Variants in WBP4 observed in about 807,000 individuals in gnomAD.
WBP4 encodes the protein WW domain-binding protein 4.
WBP4 carries 37 observed loss-of-function variants against 55.4 expected under a neutral mutation model. That is an observed-to-expected ratio of 0.67 (90% CI 0.51 to 0.88). WBP4 has a LOEUF of 0.88. Ranked by LOEUF, WBP4 falls within the 40% of genes least tolerant of loss-of-function variation. The pLI is 0.00. For synonymous variants in WBP4, 142 were observed against 140.2 expected (o/e 1.01, Z -0.09); for missense variants, 398 against 420.8 (o/e 0.95, Z 0.47).
At chr13:41,068,354 C>G (rs765820912) in intron 4 of WBP4, among the ~76,000 whole-genome samples, 3 of 152,084 alleles carry the variant, frequency 2.0e-5, no homozygotes, top group Non-Finnish European at 4.4e-5. Context: ...GTTTTAACAC[C>G]TGGTAGAACT....
intron 5 of WBP4, 24 bp from the exon 6 acceptor site, chr13:41,071,503 A>G (rs550061165): frequency 5.1e-6 from 8 of 1,580,020 alleles, no homozygotes; most frequent in African/African-American, 4.1e-5. Flanking sequence ...AAGATTTTAT[A>G]AATGCAATAT....
rs573903170 is a variant in WBP4 at position 41,068,581 on chromosome 13, A to G, written c.283A>G (p.Thr95Ala). 2 of 1,604,522 alleles carry G rather than the reference A, an allele frequency of 1.2e-6. No homozygotes were observed. The highest frequency in any genetic ancestry group is 1.7e-5 in the Admixed American group (1 of 57,884). The stretch of plus-strand genomic sequence containing the variant: ...TTTAGAAATTTTGGAGCCAAGCATA[A>G]CACCAGTAACCAGCACTATCCCACC... ...LESEILEPSI[T>A]PVTSTIPPTS... The change falls in exon 5 of 10, where the codon ACA becomes GCA. Residue 95 changes from threonine to alanine, a missense_variant. Thr to Ala is a moderately conservative substitution (Grantham distance 58). Transcript: ENST00000379487.
At chr13:41,075,037 T>C (rs1878417112) in intron 7 of WBP4, among the ~76,000 whole-genome samples, 2 of 152,146 alleles carry the variant, frequency 1.3e-5, no homozygotes, top group South Asian at 4.1e-4. Context: ...GGAAAAGTAA[T>C]GTTTTTTCAT....
intron 5 of WBP4, 134 bp downstream of exon 5, chr13:41,068,871 A>G: frequency 1.0e-6 from 1 of 980,934 alleles, no homozygotes; most frequent in Non-Finnish European, 1.4e-6. Flanking sequence ...TTTTTGCCCC[A>G]AAGGTAAGAA....
Position 41,061,664 on chromosome 13 carries a change from T to C in WBP4, c.-10T>C. The C allele has an allele frequency of 6.2e-7, 1 of 1,614,126 alleles. No individual in the cohort carries two copies. Among genetic ancestry groups the C allele is most frequent in the Non-Finnish European group, 8.5e-7 (1 of 1,180,008 alleles). On this transcript the variant is annotated 5_prime_UTR_variant, in exon 1 of 10. Transcript: ENST00000379487. ...AACCCTGGACGACTTGCAGAGCGGC[T>C]GGCGCAGTCATGTGAGTTGGGTCTC...
At chr13:41,069,391 G>A (rs1455905771) in intron 5 of WBP4, among the ~76,000 whole-genome samples, 1 of 152,062 alleles carries the variant, frequency 6.6e-6, no homozygotes, top group East Asian at 1.9e-4. Flanking sequence ...GGCTAGGCGC[G>A]GTGGCTCACA....
At position 41,083,360 on chromosome 13, in the gene WBP4, G is replaced by T. The variant is rs1187670317; in HGVS notation, c.*446G>T. On this transcript the variant is annotated 3_prime_UTR_variant, in exon 10 of 10. Transcript: ENST00000379487. ...GTGATGATTTGGTTCTGAGGCTGAT[G>T]TGAGAAAGCTGATGTAAAAAATGTA... The T allele has an allele frequency of 6.2e-6, 1 of 161,596 alleles. No individual in the cohort carries two copies. Among genetic ancestry groups the T allele is most frequent in the Non-Finnish European group, 1.4e-5 (1 of 73,550 alleles). The allele number at this position is 161,596 out of a possible 1,614,324, so 10.0% of individuals were successfully genotyped here.
intron 1 of WBP4, 23 bp downstream of exon 1, chr13:41,061,698 A>T: frequency 6.2e-7 from 1 of 1,613,888 alleles, no homozygotes; most frequent in East Asian, 2.2e-5. Context: ...TCAGGCCCTG[A>T]ACAACGAGGT....
At chr13:41,068,029 GCTTT>G (rs1310453343) in intron 4 of WBP4, among the ~76,000 whole-genome samples, 2 of 151,930 alleles carry the variant, frequency 1.3e-5, no homozygotes, top group Admixed American at 6.6e-5. Flanking sequence ...TTTTAAGCAT[GCTTT>G]CTTTATTTCC....
In WBP4 at chr13:41,082,737, A is replaced by G; in HGVS notation, c.954A>G (p.Glu318=). ...TAGATTTGGAACTTCCAAGCACTGA[A>G]AATGAGTATGTATCAACTTCAGAAG... The part of the protein sequence containing the change: ...EEVDLELPST[E]NEYVSTSEAD... The change falls in exon 10 of 10, where the codon GAA becomes GAG. Residue 318 remains glutamate (E), a synonymous_variant. Coordinates refer to ENST00000379487, the MANE Select transcript of WBP4 (RefSeq NM_007187.5). 6.2e-7 allele frequency: 1 copy of G among 1,614,130 alleles called. No individual in the cohort carries two copies. Among genetic ancestry groups the G allele is most frequent in the African/African-American group, 1.3e-5 (1 of 75,062 alleles).
chr13:41,062,206 C>G (rs916161142), intron 1 of WBP4: 2 of 969,818 alleles, frequency 2.1e-6, no homozygotes, highest in Middle Eastern at 5.4e-4. Flanking sequence ...AACTGAGAGT[C>G]TGGGAGGAAC....
intron 1 of WBP4, chr13:41,062,332 G>C (rs970127258): frequency 1.9e-5 from 18 of 953,430 alleles, no homozygotes; most frequent in Non-Finnish European, 2.0e-5. Flanking sequence ...CCCAAAGCCA[G>C]AAAGGATAAA....
Position 41,061,583 on chromosome 13 carries a change from A to G in WBP4, c.-91A>G. The G allele has an allele frequency of 6.2e-7, 1 of 1,605,200 alleles. No homozygotes were observed. The highest frequency in any genetic ancestry group is 8.5e-7 in the Non-Finnish European group (1 of 1,173,856). On this transcript the variant is annotated 5_prime_UTR_variant, in exon 1 of 10. Transcript: ENST00000379487. ...GGATCGGAGGGAGGTTCGGGTGGGC[A>G]TCGGGCGGCTGGAAGAGCTCGACTC...
chr13:41,062,099 T>C, intron 1 of WBP4: 1 of 587,432 alleles, frequency 1.7e-6, no homozygotes, highest in Non-Finnish European at 2.1e-6. Context: ...CGTAATGGTT[T>C]TTTTTTTTTT....
At chr13:41,074,878 C>T (rs375360136) in intron 7 of WBP4, among the ~76,000 whole-genome samples, 38 of 152,102 alleles carry the variant, frequency 2.5e-4, no homozygotes, top group African/African-American at 8.4e-4. Context: ...GCCTGTGGTC[C>T]CAGTTACTCG....
chr13:41,080,588 T>C (rs1878725497), intron 8 of WBP4, 58 bp from the exon 9 acceptor site: 2 of 1,346,646 alleles, frequency 1.5e-6, no homozygotes, highest in South Asian at 1.4e-5. Flanking sequence ...CCTTAAATTT[T>C]ATTTTTGTCT....
intron 5 of WBP4, among the ~76,000 whole-genome samples, chr13:41,070,426 G>A (rs1465374785): frequency 6.6e-6 from 1 of 152,008 alleles, no homozygotes; most frequent in Non-Finnish European, 1.5e-5. Context: ...GGTAAAACAT[G>A]CAGTTCTTTG....
rs1199999911 is a variant in WBP4 at position 41,068,605 on chromosome 13, C to G, written c.307C>G (p.Pro103Ala). ...SITPVTSTIP[P>A]TSTSNQQKEK... ...AACACCAGTAACCAGCACTATCCCA[C>G]CTACCTCGACATCAAATCAACAGAA... The change falls in exon 5 of 10, where the codon CCT (proline) becomes GCT (alanine). Residue 103 changes from proline to alanine, a missense_variant. Physicochemically the swap from Pro to Ala is conservative, Grantham distance 27 (BLOSUM62 -1). Transcript: ENST00000379487. 6.2e-7 allele frequency: 1 copy of G among 1,612,956 alleles called. No individual in the cohort carries two copies. Among genetic ancestry groups the G allele is most frequent in the Non-Finnish European group, 8.5e-7 (1 of 1,179,684 alleles).
At chr13:41,078,476 T>C (rs1044272186) in intron 8 of WBP4, among the ~76,000 whole-genome samples, 6 of 152,114 alleles carry the variant, frequency 3.9e-5, no homozygotes, top group South Asian at 2.1e-4. Context: ...CCTCTAACCA[T>C]GTACAAAAGT....
Sources: allele counts gnomAD v4.1 joint callset (sites outside exome capture counted in the v4.1 genomes callset), GRCh38; gene constraint gnomAD v4.1.1; transcripts MANE v1.5; gene names NCBI Gene and HGNC (gene_info 2026-07-23, HGNC 2026-07-21).